MDN1: variants seen among roughly 807,000 people sequenced by gnomAD.
The protein encoded by MDN1 is midasin AAA ATPase 1.
MDN1 carries 266 observed loss-of-function variants against 669.2 expected under a neutral mutation model. That is an observed-to-expected ratio of 0.40 (90% CI 0.36 to 0.44). The LOEUF (loss-of-function observed/expected upper bound fraction) is 0.44, where lower values mean the gene tolerates loss of function less well. Ranked by LOEUF, MDN1 falls within the 20% of genes least tolerant of loss-of-function variation. The probability of loss-of-function intolerance (pLI) is 1.00; values close to 1 mark genes in which losing one functional copy is unlikely to be tolerated. For missense variants in MDN1, 5,940 were observed against 6,754.0 expected, an observed-to-expected ratio of 0.88 and a Z score of 4.22; for synonymous variants, 2,385 against 2,457.1, an observed-to-expected ratio of 0.97 and a Z score of 0.87.
intron 31 of MDN1, among the ~76,000 whole-genome samples, chr6:89,741,186 T>C (rs1351225339): frequency 6.6e-6 from 1 of 152,202 alleles, no homozygotes; most frequent in Admixed American, 6.5e-5. Context: ...GAGCTGAGAC[T>C]GTACCACTAA....
At chr6:89,783,881 C>G (rs1396822574) in intron 9 of MDN1, among the ~76,000 whole-genome samples, 1 of 151,588 alleles carries the variant, frequency 6.6e-6, no homozygotes, top group Non-Finnish European at 1.5e-5. Context: ...ACTCGGGAGG[C>G]TGAGGCAGGA....
chr6:89,687,465 A>G, intron 67 of MDN1, 27 bp from the exon 68 acceptor site: 1 of 1,592,292 alleles, frequency 6.3e-7, no homozygotes, highest in Non-Finnish European at 8.6e-7. Context: ...AAAATTTACT[A>G]CAGATATTAT....
chr6:89,680,765 G>T lies in MDN1; in HGVS notation c.12103-14C>A, dbSNP rs1339756328. On this transcript the variant is annotated splice_polypyrimidine_tract_variant and intron_variant, in intron 73 of 101. Transcript: ENST00000369393. ...TGGAATTGTGGCCTGTGAGACAAAA[G>T]ACAGGTTAGCCTCACTGCCAAGAAT... The T allele has an allele frequency of 1.2e-6, 2 of 1,612,270 alleles. No individual in the cohort carries two copies. Among genetic ancestry groups the T allele is most frequent in the Non-Finnish European group, 1.7e-6 (2 of 1,179,216 alleles).
chr6:89,756,669 T>C (rs1382999435), intron 19 of MDN1, among the ~76,000 whole-genome samples: 1 of 152,200 alleles, frequency 6.6e-6, no homozygotes, highest in African/African-American at 2.4e-5. Context: ...ACGCCTGTAA[T>C]CCCAGCACTT....
chr6:89,675,417 C>A (rs759363768), intron 78 of MDN1, 47 bp downstream of exon 78: 3 of 1,518,090 alleles, frequency 2.0e-6, no homozygotes, highest in Non-Finnish European at 2.7e-6. Flanking sequence ...TGACTTGGAT[C>A]TAATTCTTCC....
chr6:89,719,302 A>T, intron 40 of MDN1, 77 bp from the exon 41 acceptor site: 1 of 1,184,972 alleles, frequency 8.4e-7, no homozygotes, highest in Non-Finnish European at 1.2e-6. Context: ...GAAAACAAGC[A>T]CAGTGATAAG....
intron 8 of MDN1, among the ~76,000 whole-genome samples, chr6:89,786,938 A>G (rs1818993102): frequency 6.6e-6 from 1 of 151,610 alleles, no homozygotes; most frequent in Non-Finnish European, 1.5e-5. Flanking sequence ...AAAAAAAAAA[A>G]AAAAAAAAAG....
intron 74 of MDN1, among the ~76,000 whole-genome samples, chr6:89,679,485 G>C (rs1811453495): frequency 6.6e-6 from 1 of 152,200 alleles, no homozygotes; most frequent in Admixed American, 6.5e-5. Flanking sequence ...TAGAACTTCA[G>C]AATGTGACTG....
chr6:89,681,567 T>G (rs986219046), intron 73 of MDN1, among the ~76,000 whole-genome samples: 1 of 152,128 alleles, frequency 6.6e-6, no homozygotes, highest in Non-Finnish European at 1.5e-5. Flanking sequence ...CTGAAACTCC[T>G]ATGTTGTCAT....
At chr6:89,689,722 C>T in intron 65 of MDN1, 148 bp downstream of exon 65, 1 of 949,092 alleles carries the variant, frequency 1.1e-6, no homozygotes, top group Non-Finnish European at 1.5e-6. Context: ...TTTCTTGAAT[C>T]AGCTTCAGTT....
At chr6:89,797,372 CAAAAAA>C (rs36015348) in intron 2 of MDN1, among the ~76,000 whole-genome samples, 14 of 97,732 alleles carry the variant, frequency 1.4e-4, no homozygotes, top group African/African-American at 4.5e-4. Context: ...GACTCCATCT[CAAAAAA>C]AAAAAAAAAA....
At chr6:89,724,826 GTTCT>G (rs1381992191) in intron 38 of MDN1, among the ~76,000 whole-genome samples, 7 of 152,084 alleles carry the variant, frequency 4.6e-5, no homozygotes, top group Admixed American at 4.6e-4. Context: ...GTAGTTTTCT[GTTCT>G]TTCTTTTCTT....
rs747459223 is a variant in MDN1 at position 89,743,596 on chromosome 6, T to C, written c.4297A>G (p.Arg1433Gly). 6.2e-7 allele frequency: 1 copy of C among 1,613,838 alleles called. No individual in the cohort carries two copies. The highest frequency in any genetic ancestry group is 8.5e-7 in the Non-Finnish European group (1 of 1,179,916). ...CAAACCTTGTCGTTTGGCTTTTGTCTCACTGGCCGCAGGCCACCCAGGAAG... is the reference window on the plus strand; with the variant it reads ...CAAACCTTGTCGTTTGGCTTTTGTCCCACTGGCCGCAGGCCACCCAGGAAG... The part of the protein sequence containing the change: ...SDFLGGLRPV[R>G]QKPNDKEEID... The change falls in exon 30 of 102, where the codon AGA becomes GGA. Residue 1433 changes from arginine to glycine, a missense_variant. By Grantham distance (125) the Arg-to-Gly change is moderately radical. Coordinates refer to ENST00000369393, the MANE Select transcript of MDN1 (RefSeq NM_014611.3).
chr6:89,649,870 A>T (rs1808729158), intron 97 of MDN1, among the ~76,000 whole-genome samples, 154 bp downstream of exon 97: 1 of 152,232 alleles, frequency 6.6e-6, no homozygotes, highest in Non-Finnish European at 1.5e-5. Context: ...TGGTTATCAC[A>T]TTCTCAAAAC....
intron 29 of MDN1, among the ~76,000 whole-genome samples, chr6:89,744,887 A>T (rs1028870496): frequency 1.3e-5 from 2 of 152,100 alleles, no homozygotes; most frequent in African/African-American, 4.8e-5. Flanking sequence ...ATCTCCAAAA[A>T]TAATAATAAT....
chr6:89,804,469 T>C (rs1157790572), intron 1 of MDN1, among the ~76,000 whole-genome samples: 1 of 152,074 alleles, frequency 6.6e-6, no homozygotes, highest in Admixed American at 6.6e-5. Context: ...ATCTGAAAAA[T>C]AATCTATGTG....
rs370691129 is a variant in MDN1, at chr6:89,734,691, A to ACGAGAG, written c.4724-1917_4724-1916insCTCTCG. ...AGAAGAAAAAAAAAAAAAAAAAAAC[A>ACGAGAG]AGAGAGAGAGAGAGAGAGAGAGAGA... is the stretch of plus-strand genomic sequence containing the variant. On this transcript the variant is annotated intron_variant, in intron 33 of 101. Transcript: ENST00000369393. Among the ~76,000 whole-genome samples, 31 of 112,986 alleles carry ACGAGAG rather than the reference A, an allele frequency of 2.7e-4. 1 individual carries two copies. The highest frequency in any genetic ancestry group is 6.2e-4 in the African/African-American group (18 of 28,874). The allele number at this position is 112,986 out of a possible 152,430, so 74.1% of individuals were successfully genotyped here. A position where few individuals can be genotyped will look rare whatever the true frequency, so the allele number is the denominator to read the frequency against.
At position 89,790,337 on chromosome 6, in the gene MDN1, G is replaced by A; in HGVS notation, c.920C>T (p.Ser307Phe). ...LALRSYVLVE[S>F]VCKSLQTLAM... Reference sequence around the variant, plus strand: ...CAGGGTCTGAAGACTTTTGCAGACAGACTCAACCAGCACATAAGACCTAAG... The same window carrying A: ...CAGGGTCTGAAGACTTTTGCAGACAAACTCAACCAGCACATAAGACCTAAG... The change falls in exon 6 of 102, where the codon TCT becomes TTT. Residue 307 changes from serine to phenylalanine, a missense_variant. By Grantham distance (155) the Ser-to-Phe change is radical. Transcript: ENST00000369393. 6.2e-7 allele frequency: 1 copy of A among 1,614,144 alleles called. No individual in the cohort carries two copies. The highest frequency in any genetic ancestry group is 8.5e-7 in the Non-Finnish European group (1 of 1,180,028).
chr6:89,806,621 G>C (rs1236253879), intron 1 of MDN1, among the ~76,000 whole-genome samples: 1 of 152,030 alleles, frequency 6.6e-6, no homozygotes, highest in Non-Finnish European at 1.5e-5. Flanking sequence ...GGGAGGCTGG[G>C]GCAGGAAAAC....
Sources: allele counts gnomAD v4.1 joint callset (sites outside exome capture counted in the v4.1 genomes callset), GRCh38; gene constraint gnomAD v4.1.1; transcripts MANE v1.5; gene names NCBI Gene and HGNC (gene_info 2026-07-23, HGNC 2026-07-21).